Variants in PFKFB2 observed in about 807,000 individuals in gnomAD.
PFKFB2 encodes 6-phosphofructo-2-kinase/fructose-2,6-bisphosphatase 2.
PFKFB2 carries 53 observed loss-of-function variants against 68.0 expected under a neutral mutation model. That is an observed-to-expected ratio of 0.78 (90% CI 0.63 to 0.98). PFKFB2 has a LOEUF of 0.98. Ranked by LOEUF, PFKFB2 falls within the 50% of genes least tolerant of loss-of-function variation. The probability of loss-of-function intolerance (pLI) is 0.00; values close to 1 mark genes in which losing one functional copy is unlikely to be tolerated. For missense variants in PFKFB2, 451 were observed against 642.0 expected, an observed-to-expected ratio of 0.70 and a Z score of 3.22; for synonymous variants, 222 against 227.6, an observed-to-expected ratio of 0.98 and a Z score of 0.22.
intron 1 of PFKFB2, among the ~76,000 whole-genome samples, chr1:207,038,785 T>C (rs1477591161): frequency 8.5e-5 from 13 of 152,252 alleles, no homozygotes; most frequent in African/African-American, 7.2e-5. Flanking sequence ...ATCACACTTA[T>C]GAACTACAAA....
Position 207,070,118 on chromosome 1 carries a change from C to T in PFKFB2, c.1093-162C>T, listed in dbSNP as rs564713707. Among the ~76,000 whole-genome samples the T allele has an allele frequency of 4.6e-5, 7 of 152,246 alleles. No individual in the cohort carries two copies. In the South Asian group the frequency reaches 1.5e-3, roughly 32 times the overall value. On this transcript the variant is annotated intron_variant, in intron 11 of 14. Coordinates refer to ENST00000367080, the MANE Select transcript of PFKFB2 (RefSeq NM_006212.2). The surrounding 1 kb of genome is among the most constrained non-coding windows in gnomAD (Gnocchi z 4.2). ...AGATCTGAGTTTTCTCAAGAGATAC[C>T]AGGGCTGGGGGCAGTTAGCAGGTGA...
At chr1:207,035,578 G>A (rs2629672) in intron 1 of PFKFB2, among the ~76,000 whole-genome samples, 5,928 of 152,066 alleles carry the variant, frequency 0.039, 397 homozygotes, top group African/African-American at 0.13. Context: ...GCTTGAGACC[G>A]GGAGATCAAG....
chr1:207,060,955 G>A (rs1683069142), intron 2 of PFKFB2: 1 of 124,452 alleles, frequency 8.0e-6, no homozygotes, highest in African/African-American at 4.6e-5. Flanking sequence ...ATCTGGCTAA[G>A]TTAAATATAT....
chr1:207,053,602 G>A (rs1572714227), intron 1 of PFKFB2, among the ~76,000 whole-genome samples: 1 of 152,164 alleles, frequency 6.6e-6, no homozygotes, highest in African/African-American at 2.4e-5. Flanking sequence ...GCCCCCTGTT[G>A]TCTGAATTGG....
At position 207,063,690 on chromosome 1, in the gene PFKFB2, T is replaced by TG. The variant is rs1219691609; in HGVS notation, c.451-80dup. The stretch of plus-strand genomic sequence containing the variant: ...AGAAAATCCTGGGAGATGTGGTGGC[T>TG]GGGTGGGGTAGATGAGCATGTGCTC... On this transcript the variant is annotated intron_variant, in intron 6 of 14. Coordinates refer to ENST00000367080, the MANE Select transcript of PFKFB2 (RefSeq NM_006212.2). The surrounding 1 kb of genome is among the most constrained non-coding windows in gnomAD (Gnocchi z 4.1). The TG allele has an allele frequency of 7.9e-5, 89 of 1,123,512 alleles. No individual in the cohort carries two copies. The Admixed American group carries it at 1.5e-3, about 19-fold the overall frequency. The allele number at this position is 1,123,512 out of a possible 1,614,324, so 69.6% of individuals were successfully genotyped here.
Position 207,063,389 on chromosome 1 carries a change from A to G in PFKFB2, c.418A>G (p.Ile140Val). Reference protein sequence around the residue: ...TNTTRERRDMILNFAEQNSFK... With the variant: ...TNTTRERRDMVLNFAEQNSFK... The stretch of plus-strand genomic sequence containing the variant: ...TACAACCCGGGAGAGGAGGGACATG[A>G]TTTTGAACTTTGCTGAACAGAATTC... Residue 140 changes from isoleucine to valine, a missense_variant, in exon 6 of 15, where the codon ATT becomes GTT. Coordinates refer to ENST00000367080, the MANE Select transcript of PFKFB2 (RefSeq NM_006212.2). The surrounding 1 kb of genome is among the most constrained non-coding windows in gnomAD (Gnocchi z 4.1). 1 of 1,613,812 alleles carries G rather than the reference A, an allele frequency of 6.2e-7. No individual in the cohort carries two copies. Among genetic ancestry groups the G allele is most frequent in the South Asian group, 1.1e-5 (1 of 91,038 alleles).
downstream of PFKFB2, among the ~76,000 whole-genome samples, chr1:207,078,609 A>G (rs908590432): frequency 3.3e-5 from 5 of 152,148 alleles, no homozygotes; most frequent in African/African-American, 1.2e-4. Context: ...CTTTATTGGC[A>G]TGGTCTTTTG....
chr1:207,054,771 C>T lies in PFKFB2; in HGVS notation c.54C>T (p.Thr18=). The T allele has an allele frequency of 1.2e-6, 2 of 1,613,790 alleles. No homozygotes were observed. Among genetic ancestry groups the T allele is most frequent in the Non-Finnish European group, 1.7e-6 (2 of 1,179,854 alleles). ...EQNNNSYETK[T]PNLRMSEKKC... The stretch of plus-strand genomic sequence containing the variant: ...ACAACAACAGCTATGAAACCAAAAC[C>T]CCAAATCTTCGAATGTCAGAGAAGA... Residue 18 remains threonine, a synonymous_variant, in exon 2 of 15, where the codon ACC becomes ACT. Coordinates refer to ENST00000367080, the MANE Select transcript of PFKFB2 (RefSeq NM_006212.2).
At chr1:207,041,401 C>T (rs893573150) in intron 1 of PFKFB2, among the ~76,000 whole-genome samples, 3 of 152,050 alleles carry the variant, frequency 2.0e-5, no homozygotes, top group African/African-American at 4.8e-5. Flanking sequence ...ACCCCACTGA[C>T]AGGCCCCAAT....
At position 207,070,266 on chromosome 1, in the gene PFKFB2, A is replaced by C. The variant is rs1572734122; in HGVS notation, c.1093-14A>C. On this transcript the variant is annotated splice_polypyrimidine_tract_variant and intron_variant, in intron 11 of 14. Transcript: ENST00000367080. This position sits in a 1 kb window ranked among gnomAD's most constrained non-coding sequence, Gnocchi z 4.2. ...ACCTGGGCTCCTGCCAGCCTGCCCCATTTCCCTCCACAGTCATACCAGGAC... is the reference window on the plus strand; with the variant it reads ...ACCTGGGCTCCTGCCAGCCTGCCCCCTTTCCCTCCACAGTCATACCAGGAC... The C allele has an allele frequency of 6.2e-7, 1 of 1,612,336 alleles. No individual in the cohort carries two copies. The highest frequency in any genetic ancestry group is 8.5e-7 in the Non-Finnish European group (1 of 1,179,746).
upstream of PFKFB2, chr1:207,049,660 C>T (rs181845723): frequency 6.8e-6 from 11 of 1,614,166 alleles, no homozygotes; most frequent in African/African-American, 2.7e-5. Flanking sequence ...AGAAGCACCA[C>T]GTTTAGTAAA....
At chr1:207,079,791 A>G (rs1683717627), downstream of PFKFB2, 1 of 152,204 alleles carries the variant, frequency 6.6e-6, no homozygotes. Flanking sequence ...AATGTGGACT[A>G]GACAGAAAAG....
rs930889712 is a variant in PFKFB2, at chr1:207,068,446, C to T, written c.987+137C>T. The T allele has an allele frequency of 9.6e-6, 6 of 625,744 alleles. 1 individual carries two copies. Among genetic ancestry groups the T allele is most frequent in the Admixed American group, 7.3e-5 (2 of 27,236 alleles). 38.8% of individuals were successfully genotyped at this position (625,744 alleles called of 1,614,324 possible). A position where few individuals can be genotyped will look rare whatever the true frequency, so the allele number is the denominator to read the frequency against. On this transcript the variant is annotated intron_variant, in intron 10 of 14. Transcript: ENST00000367080. Reference sequence around the variant, plus strand: ...ACTCTGAGGAAGCTGACTCTATGGCCAGCCCGGGGGATCAGGGAGGACAAT... The same window carrying T: ...ACTCTGAGGAAGCTGACTCTATGGCTAGCCCGGGGGATCAGGGAGGACAAT...
At chr1:207,079,090 A>C (rs1434458042), downstream of PFKFB2, 2 of 1,326,424 alleles carry the variant, frequency 1.5e-6, no homozygotes, top group Admixed American at 3.4e-5. Context: ...TGTCAGCTTC[A>C]CAGAGGCTAG....
rs149028478 is a variant in PFKFB2 at position 207,068,330 on chromosome 1, G to A, written c.987+21G>A. 6 of 1,523,626 alleles carry A rather than the reference G, an allele frequency of 3.9e-6. No individual in the cohort carries two copies. The African/African-American group carries it at 7.0e-5, about 18-fold the overall frequency. 94.4% of individuals were successfully genotyped at this position (1,523,626 alleles called of 1,614,324 possible). ...ATGCTGTGAGTAGGAAGCTCTGAAG[G>A]CCCAGAAAAGCCAACAAGAGTTCAG... On this transcript the variant is annotated intron_variant, in intron 10 of 14. Transcript: ENST00000367080.
chr1:207,041,427 C>T (rs1253755523), intron 1 of PFKFB2, among the ~76,000 whole-genome samples: 1 of 152,074 alleles, frequency 6.6e-6, no homozygotes, highest in African/African-American at 2.4e-5. Flanking sequence ...ATGTTCCCTT[C>T]CCTGTGCCCA....
In PFKFB2 at chr1:207,053,897, ATTTTTCATT is replaced by A. The variant is rs1232882072; in HGVS notation, c.-18+537_-18+545del. Reference sequence around the variant, plus strand: ...TTTTTCTTTTCTTTCTTTCTTTTTCATTTTTCATTTTTTTTTTTTTTTTTTTTGACAGAG... The same window carrying A: ...TTTTTCTTTTCTTTCTTTCTTTTTCATTTTTTTTTTTTTTTTTTGACAGAG... On this transcript the variant is annotated intron_variant, in intron 1 of 14. Transcript: ENST00000367080. Among the ~76,000 whole-genome samples the A allele has an allele frequency of 6.7e-5, 8 of 119,760 alleles. No individual in the cohort carries two copies. In the Admixed American group the frequency reaches 7.0e-4, roughly 10 times the overall value. 78.6% of individuals were successfully genotyped at this position (119,760 alleles called of 152,430 possible). A position where few individuals can be genotyped will look rare whatever the true frequency, so the allele number is the denominator to read the frequency against.
chr1:207,046,293 G>A (rs932168667), intron 2 of PFKFB2: 4 of 152,028 alleles, frequency 2.6e-5, no homozygotes, highest in African/African-American at 9.7e-5. Context: ...CCTGAAAGTT[G>A]TAAGTCCATA....
chr1:207,039,069 C>T (rs1558050514), intron 1 of PFKFB2, among the ~76,000 whole-genome samples: 2 of 152,108 alleles, frequency 1.3e-5, no homozygotes, highest in Non-Finnish European at 2.9e-5. Context: ...TTTTCTTGAT[C>T]TTCATTGTAA....
Sources: allele counts gnomAD v4.1 joint callset (sites outside exome capture counted in the v4.1 genomes callset), GRCh38; gene constraint gnomAD v4.1.1; non-coding constraint Gnocchi (gnomAD v3.1); transcripts MANE v1.5; gene names NCBI Gene and HGNC (gene_info 2026-07-23, HGNC 2026-07-21).